The following GMDS variants were observed in gnomAD, a reference collection of about 807,000 sequenced individuals.
GMDS encodes the protein GDP-mannose 4,6 dehydratase.
Under a neutral mutation model 49.9 loss-of-function variants are expected in GMDS, and 20 were observed. That is an observed-to-expected ratio of 0.40 (90% CI 0.28 to 0.58). The LOEUF (loss-of-function observed/expected upper bound fraction) is 0.58. Among genes scored for constraint, GMDS ranks in the 20% least tolerant of loss-of-function variants. GMDS has a pLI of 0.42. For missense variants in GMDS, 362 were observed against 481.4 expected (o/e 0.75, Z 2.32); for synonymous variants, 177 against 178.6 (o/e 0.99, Z 0.07).
chr6:1,737,677 CAT>C (rs1259375805), intron 8 of GMDS, among the ~76,000 whole-genome samples: 2 of 146,992 alleles, frequency 1.4e-5, no homozygotes, highest in East Asian at 4.2e-4. Context: ...CACAGATATA[CAT>C]ACACACATAC....
At chr6:1,710,059 G>A (rs895880858) in intron 9 of GMDS, among the ~76,000 whole-genome samples, 1 of 152,136 alleles carries the variant, frequency 6.6e-6, no homozygotes. Flanking sequence ...ATGACTTTGG[G>A]TATTTAAAAA....
intron 7 of GMDS, among the ~76,000 whole-genome samples, chr6:1,848,703 T>C (rs1430617155): frequency 1.3e-5 from 2 of 152,172 alleles, no homozygotes; most frequent in East Asian, 1.9e-4. Flanking sequence ...CAGGACTGCA[T>C]AGGGCTGGAC....
At chr6:1,961,551 T>C (rs1219892169) in intron 4 of GMDS, among the ~76,000 whole-genome samples, 1 of 152,262 alleles carries the variant, frequency 6.6e-6, no homozygotes, top group Non-Finnish European at 1.5e-5. Flanking sequence ...AACCAATTTC[T>C]AAGCGAATGC....
chr6:2,180,924 T>G (rs993409892), intron 1 of GMDS, among the ~76,000 whole-genome samples: 2 of 151,944 alleles, frequency 1.3e-5, no homozygotes, highest in African/African-American at 4.8e-5. Flanking sequence ...TCCCAGCACT[T>G]TGGGAGGCTG....
At chr6:1,852,192 C>A (rs1581256669) in intron 7 of GMDS, among the ~76,000 whole-genome samples, 1 of 152,234 alleles carries the variant, frequency 6.6e-6, no homozygotes, top group South Asian at 2.1e-4. Flanking sequence ...GCAGTAGCAG[C>A]AGATGAAAAC....
rs1768530874 is a variant in GMDS at position 2,025,393 on chromosome 6, TGTGTGTGTG to T, written c.346-64436_346-64428del. Among the ~76,000 whole-genome samples, 6 of 151,220 alleles carry T rather than the reference TGTGTGTGTG, an allele frequency of 4.0e-5. No homozygotes were observed. The Admixed American group carries it at 4.0e-4, about 10-fold the overall frequency. ...GTGTGTGTGTGTGTGTGTGTGTGTGTGTGTGTGTGTGTGTTTTGGTAAATATTTATTAAG... is the reference window on the plus strand; with the variant it reads ...GTGTGTGTGTGTGTGTGTGTGTGTGTTGTGTTTTGGTAAATATTTATTAAG... On this transcript the variant is annotated intron_variant, in intron 4 of 10. Transcript: ENST00000380815.
chr6:2,072,921 T>G (rs1772099791), intron 4 of GMDS, among the ~76,000 whole-genome samples: 2 of 152,260 alleles, frequency 1.3e-5, no homozygotes, highest in African/African-American at 4.8e-5. Flanking sequence ...AAGCTGAGTG[T>G]GTGACCTTTC....
At chr6:2,165,881 A>G (rs1390250041) in intron 1 of GMDS, among the ~76,000 whole-genome samples, 1 of 152,240 alleles carries the variant, frequency 6.6e-6, no homozygotes, top group African/African-American at 2.4e-5. Flanking sequence ...AGGAAAATAC[A>G]TAGTTATTAA....
intron 9 of GMDS, among the ~76,000 whole-genome samples, chr6:1,700,140 A>G (rs1356468223): frequency 4.6e-5 from 7 of 152,224 alleles, no homozygotes; most frequent in Admixed American, 1.3e-4. Flanking sequence ...AATTTTGTCC[A>G]TCTATTCAAA....
intron 6 of GMDS, among the ~76,000 whole-genome samples, chr6:1,931,217 TTAAC>T (rs374484792): frequency 4.3e-4 from 66 of 152,350 alleles, no homozygotes; most frequent in South Asian, 2.1e-4. Flanking sequence ...ACCAATGACT[TTAAC>T]TATGTTCTTT....
intron 4 of GMDS, among the ~76,000 whole-genome samples, chr6:2,057,603 A>G (rs1770854215): frequency 6.6e-6 from 1 of 152,184 alleles, no homozygotes; most frequent in South Asian, 2.1e-4. Flanking sequence ...ACACAAATTA[A>G]ACTGCATCTC....
chr6:1,721,914 A>G (rs888440469), intron 9 of GMDS, among the ~76,000 whole-genome samples: 3 of 152,188 alleles, frequency 2.0e-5, no homozygotes, highest in African/African-American at 7.2e-5. Flanking sequence ...CAATAAAAAA[A>G]TGAGCATCTT....
intron 7 of GMDS, among the ~76,000 whole-genome samples, chr6:1,823,183 T>G (rs1205546199): frequency 6.6e-6 from 1 of 152,184 alleles, no homozygotes; most frequent in Non-Finnish European, 1.5e-5. Flanking sequence ...AATTACCCAA[T>G]TTTTATATTT....
rs559665167 is a variant in GMDS, at chr6:2,223,168, T to C, written c.102+22153A>G. Among the ~76,000 whole-genome samples the C allele has an allele frequency of 2.8e-4, 42 of 151,118 alleles. 1 individual carries two copies. The Middle Eastern group carries it at 0.014, about 49-fold the overall frequency. On this transcript the variant is annotated intron_variant, in intron 1 of 10. Coordinates refer to ENST00000380815, the MANE Select transcript of GMDS (RefSeq NM_001500.4). The stretch of plus-strand genomic sequence containing the variant: ...CTCTCTCTATATATATATACACACA[T>C]ATATATATATCCATATCCATCCATC...
intron 4 of GMDS, among the ~76,000 whole-genome samples, chr6:1,964,219 GTTCTTAT>G (rs1279904657): frequency 3.9e-5 from 6 of 152,182 alleles, no homozygotes; most frequent in Non-Finnish European, 7.3e-5. Context: ...TTAGGTATAA[GTTCTTAT>G]CCCATGGTAT....
chr6:1,882,386 C>T (rs762282011), intron 7 of GMDS, among the ~76,000 whole-genome samples: 3 of 152,104 alleles, frequency 2.0e-5, no homozygotes, highest in Non-Finnish European at 4.4e-5. Flanking sequence ...AGGATATATG[C>T]GTGTGTGTAC....
rs145640488 is a variant in GMDS, at chr6:2,193,970, G to A, written c.102+51351C>T. Among the ~76,000 whole-genome samples the A allele has an allele frequency of 5.7e-3, 861 of 151,708 alleles. 2 individuals carry two copies. Among genetic ancestry groups the A allele is most frequent in the Middle Eastern group, 0.017 (5 of 294 alleles). On this transcript the variant is annotated intron_variant, in intron 1 of 10. Transcript: ENST00000380815. ...CATCTCCTGACCTCATGATCCACCC[G>A]CTCGGCCTCCCAAAGTGCTGGATTA...
At chr6:1,975,404 A>T (rs1430517072) in intron 4 of GMDS, among the ~76,000 whole-genome samples, 1 of 152,184 alleles carries the variant, frequency 6.6e-6, no homozygotes, top group Non-Finnish European at 1.5e-5. Context: ...TCCAGCTCCC[A>T]GTCACCAACA....
At chr6:1,786,794 T>A (rs1473837182) in intron 7 of GMDS, among the ~76,000 whole-genome samples, 2 of 127,498 alleles carry the variant, frequency 1.6e-5, no homozygotes, top group Non-Finnish European at 3.4e-5. Flanking sequence ...TGTCAGTAAT[T>A]TGTGGTTTTT....
Sources: gnomAD v4.1 joint callset for allele counts (sites outside exome capture counted in the v4.1 genomes callset) on GRCh38, gnomAD v4.1.1 for gene constraint, MANE v1.5 for transcripts, NCBI Gene and HGNC (gene_info 2026-07-23, HGNC 2026-07-21) for gene names.